ADGRF3: variants seen among roughly 807,000 people sequenced by gnomAD.
ADGRF3 encodes G protein-coupled receptor 113.
Under a neutral mutation model 93.2 loss-of-function variants are expected in ADGRF3, and 85 were observed. The ratio of observed to expected loss-of-function variants is 0.91; its 90% CI spans 0.77 to 1.09. ADGRF3 has a LOEUF of 1.09. Ranked by LOEUF, ADGRF3 falls within the 50% of genes least tolerant of loss-of-function variation. The probability of loss-of-function intolerance (pLI) is 0.00; values close to 1 mark genes in which losing one functional copy is unlikely to be tolerated. For missense variants in ADGRF3, 1,125 were observed against 1,246.2 expected (o/e 0.90, Z 1.46); for synonymous variants, 534 against 532.5 (o/e 1.00, Z -0.04).
chr2:26,309,943 C>G (rs1314739464), intron 12 of ADGRF3, 100 bp downstream of exon 12: 4 of 1,612,584 alleles, frequency 2.5e-6, no homozygotes, highest in South Asian at 1.1e-5. Flanking sequence ...CCAATCTTCT[C>G]TCAGCTTCTG....
chr2:26,331,443 A>G (rs950110631), intron 1 of ADGRF3, among the ~76,000 whole-genome samples: 3 of 152,164 alleles, frequency 2.0e-5, no homozygotes, highest in African/African-American at 7.2e-5. Context: ...CCAGCTACTC[A>G]GGAGGCTGAG....
Position 26,311,871 on chromosome 2 carries a change from A to C in ADGRF3, c.1653T>G (p.Phe551Leu). The change falls in exon 10 of 14, where the codon TTT (phenylalanine) becomes TTG (leucine). Residue 551 changes from phenylalanine to leucine, a missense_variant. Phe to Leu is a conservative substitution (Grantham distance 22). Transcript: ENST00000651242. Reference protein sequence around the residue: ...LLQSQLFGPTFPADYSISFPT... With the variant: ...LLQSQLFGPTLPADYSISFPT... ...GGAAGGAGATGCTGTAGTCAGCAGGAAACGTGGGTCCAAACAGCTGGCTCT... is the reference window on the plus strand; with the variant it reads ...GGAAGGAGATGCTGTAGTCAGCAGGCAACGTGGGTCCAAACAGCTGGCTCT... 1 of 1,613,938 alleles carries C rather than the reference A, an allele frequency of 6.2e-7. No individual in the cohort carries two copies. The highest frequency in any genetic ancestry group is 8.5e-7 in the Non-Finnish European group (1 of 1,179,858).
At chr2:26,342,542 A>G (rs1245559836) in intron 1 of ADGRF3, among the ~76,000 whole-genome samples, 1 of 152,190 alleles carries the variant, frequency 6.6e-6, no homozygotes, top group African/African-American at 2.4e-5. Flanking sequence ...AAAACACTTT[A>G]TTTTGGTTAT....
intron 1 of ADGRF3, among the ~76,000 whole-genome samples, chr2:26,326,134 C>T (rs1675423278): frequency 6.6e-6 from 1 of 152,162 alleles, no homozygotes; most frequent in East Asian, 1.9e-4. Context: ...AAGTGTACTT[C>T]CCAATACATC....
chr2:26,337,067 T>C (rs1383401552), intron 1 of ADGRF3, among the ~76,000 whole-genome samples: 1 of 152,254 alleles, frequency 6.6e-6, no homozygotes, highest in Non-Finnish European at 1.5e-5. Flanking sequence ...AGTCTTTTCA[T>C]GAAGCCTACT....
At chr2:26,317,676 G>T in intron 1 of ADGRF3, 114 bp from the exon 2 acceptor site, 1 of 955,094 alleles carries the variant, frequency 1.0e-6, no homozygotes, top group African/African-American at 1.6e-5. Flanking sequence ...CTTTTTGCCA[G>T]GAGTCAAGTG....
intron 1 of ADGRF3, among the ~76,000 whole-genome samples, chr2:26,337,689 A>G (rs1033868932): frequency 2.6e-5 from 4 of 152,200 alleles, no homozygotes; most frequent in Admixed American, 2.6e-4. Flanking sequence ...GTAAATGTGA[A>G]GAGCTGTTTC....
rs781376316 is a variant in ADGRF3 at position 26,345,948 on chromosome 2, C to T, written c.114+173G>A. 8.4e-4 allele frequency: 537 copies of T among 637,318 alleles called. 1 individual carries two copies. The highest frequency in any genetic ancestry group is 1.3e-3 in the Admixed American group (43 of 33,202). The allele number at this position is 637,318 out of a possible 1,614,324, so 39.5% of individuals were successfully genotyped here. A position where few individuals can be genotyped will look rare whatever the true frequency, so the allele number is the denominator to read the frequency against. On this transcript the variant is annotated intron_variant, in intron 1 of 13. Transcript: ENST00000651242. ...AGCTGGAAGGCGGGACTTAGTGTTG[C>T]CTGATCCACGCCGATTGGACAACAG...
intron 1 of ADGRF3, among the ~76,000 whole-genome samples, chr2:26,325,928 G>A (rs1038911174): frequency 3.3e-5 from 5 of 152,112 alleles, no homozygotes; most frequent in Non-Finnish European, 7.3e-5. Context: ...ACTAATGTGA[G>A]TATAAAAAAT....
intron 1 of ADGRF3, among the ~76,000 whole-genome samples, chr2:26,325,228 T>G (rs1675377012): frequency 6.6e-6 from 1 of 152,224 alleles, no homozygotes; most frequent in African/African-American, 2.4e-5. Context: ...AATCCTCGGC[T>G]GACACAGAGA....
intron 1 of ADGRF3, among the ~76,000 whole-genome samples, chr2:26,342,503 A>C (rs1444563950): frequency 6.6e-6 from 1 of 152,330 alleles, no homozygotes; most frequent in South Asian, 2.1e-4. Flanking sequence ...TCTTATTCAG[A>C]CTAAATAAAA....
At position 26,313,003 on chromosome 2, in the gene ADGRF3, C is replaced by T. The variant is rs758626794; in HGVS notation, c.1389G>A (p.Met463Ile). ...CTGCCACCACCTTGGCCACGTATTTCATGGTGCTCAGCAGGGTCAGTAAGT... is the reference window on the plus strand; with the variant it reads ...CTGCCACCACCTTGGCCACGTATTTTATGGTGCTCAGCAGGGTCAGTAAGT... ...PSDLLTLLSTMKYVAKVVAEA... is the reference protein window; with the variant it reads ...PSDLLTLLSTIKYVAKVVAEA... Residue 463 changes from methionine to isoleucine, a missense_variant, in exon 9 of 14, where the codon ATG becomes ATA. Met to Ile is a conservative substitution (Grantham distance 10, BLOSUM62 1). Coordinates refer to ENST00000651242, the MANE Select transcript of ADGRF3 (RefSeq NM_001321971.2). The T allele has an allele frequency of 5.6e-6, 9 of 1,614,028 alleles. No homozygotes were observed. The South Asian group carries it at 9.9e-5, about 18-fold the overall frequency.
chr2:26,346,334 C>T lies in ADGRF3; in HGVS notation c.-100G>A. The T allele has an allele frequency of 1.3e-6, 2 of 1,580,772 alleles. No individual in the cohort carries two copies. The highest frequency in any genetic ancestry group is 1.8e-4 in the Middle Eastern group (1 of 5,570). On this transcript the variant is annotated 5_prime_UTR_variant, in exon 1 of 14. Transcript: ENST00000651242. ...GCCCCTCTCCCTGCTCCCGGCCTCG[C>T]CCAGGCGGCTGAGGGGCCCGCGCGG...
intron 1 of ADGRF3, among the ~76,000 whole-genome samples, chr2:26,322,972 C>A (rs757679836): frequency 6.6e-6 from 1 of 152,024 alleles, no homozygotes; most frequent in Non-Finnish European, 1.5e-5. Flanking sequence ...CCCGTCTCTA[C>A]TAAAAATACA....
chr2:26,316,001 C>T (rs891436241), intron 4 of ADGRF3, among the ~76,000 whole-genome samples: 4 of 152,192 alleles, frequency 2.6e-5, no homozygotes, highest in African/African-American at 9.7e-5. Flanking sequence ...TCCTGGGCTA[C>T]TGGAGCTGCT....
At chr2:26,317,998 A>C (rs1037541292) in intron 1 of ADGRF3, 1 of 1,532,592 alleles carries the variant, frequency 6.5e-7, no homozygotes, top group African/African-American at 1.4e-5. Context: ...GTTCCTGTAC[A>C]TTATTTCCTC....
chr2:26,327,738 CAG>C (rs1675517905), intron 1 of ADGRF3, among the ~76,000 whole-genome samples: 2 of 150,588 alleles, frequency 1.3e-5, no homozygotes, highest in Admixed American at 1.3e-4. Flanking sequence ...GAGACAAAGA[CAG>C]AGAGAGAAAG....
chr2:26,344,867 A>G (rs1676612730), intron 1 of ADGRF3, among the ~76,000 whole-genome samples: 1 of 152,214 alleles, frequency 6.6e-6, no homozygotes, highest in Non-Finnish European at 1.5e-5. Context: ...TATACCAGGT[A>G]TAAGATTATC....
At chr2:26,333,376 C>T (rs1675867684) in intron 1 of ADGRF3, among the ~76,000 whole-genome samples, 1 of 2,170 alleles carries the variant, frequency 4.6e-4, no homozygotes, top group South Asian at 0.022. Flanking sequence ...TCACACAATA[C>T]TTAGGCCACA....
Sources: gnomAD v4.1 joint callset for allele counts (sites outside exome capture counted in the v4.1 genomes callset) on GRCh38, gnomAD v4.1.1 for gene constraint, MANE v1.5 for transcripts, NCBI Gene and HGNC (gene_info 2026-07-23, HGNC 2026-07-21) for gene names.